The following FAR2 variants were observed in gnomAD, a reference collection of about 807,000 sequenced individuals.
The protein encoded by FAR2 is epididymis secretory protein Li 81.
FAR2 carries 19 observed loss-of-function variants against 56.0 expected under a neutral mutation model. The ratio of observed to expected loss-of-function variants is 0.34; its 90% CI spans 0.24 to 0.50. The LOEUF (loss-of-function observed/expected upper bound fraction) is 0.50. Ranked by LOEUF, FAR2 falls within the 20% of genes least tolerant of loss-of-function variation. The pLI, the probability that FAR2 is intolerant of heterozygous loss-of-function variation, is 0.98. For synonymous variants in FAR2, 219 were observed against 218.8 expected, an observed-to-expected ratio of 1.00 and a Z score of -0.01; for missense variants, 508 against 642.2, an observed-to-expected ratio of 0.79 and a Z score of 2.26.
rs910498677 is a variant in FAR2, at chr12:29,155,655, A to G, written c.-39+6248A>G. Among the ~76,000 whole-genome samples the G allele has an allele frequency of 2.6e-5, 4 of 152,376 alleles. No homozygotes were observed. The South Asian group carries it at 8.3e-4, about 32-fold the overall frequency. On this transcript the variant is annotated intron_variant, in intron 1 of 11. Transcript: ENST00000536681. ...AAAAATTATAGGAAATTTAACGTAT[A>G]TGAAATTTAACCTTCAGTGTCTATA...
intron 4 of FAR2, among the ~76,000 whole-genome samples, chr12:29,297,842 T>A (rs1270857677): frequency 2.6e-5 from 4 of 151,952 alleles, no homozygotes; most frequent in Non-Finnish European, 5.9e-5. Context: ...GTCCAAGAGT[T>A]CAAGACCAGC....
chr12:29,208,652 GA>G (rs71042967), intron 1 of FAR2, among the ~76,000 whole-genome samples: 416 of 148,538 alleles, frequency 2.8e-3, no homozygotes, highest in African/African-American at 3.8e-3. Context: ...GTGCCAGAGA[GA>G]AAAAAAAAAT....
chr12:29,161,230 A>G (rs1949779133), intron 1 of FAR2, among the ~76,000 whole-genome samples: 1 of 152,232 alleles, frequency 6.6e-6, no homozygotes, highest in Non-Finnish European at 1.5e-5. Context: ...AAAAAAGAAA[A>G]GCAGAAAAAC....
chr12:29,231,811 T>C (rs975818069), intron 1 of FAR2, among the ~76,000 whole-genome samples: 4 of 152,174 alleles, frequency 2.6e-5, no homozygotes, highest in African/African-American at 9.7e-5. Context: ...CCATGCACTA[T>C]GGACATCCTG....
At chr12:29,172,575 G>T (rs1018079876) in intron 1 of FAR2, among the ~76,000 whole-genome samples, 1 of 152,024 alleles carries the variant, frequency 6.6e-6, no homozygotes, top group Non-Finnish European at 1.5e-5. Context: ...ATTATAGAAC[G>T]CTGAGGTTGC....
intron 10 of FAR2, among the ~76,000 whole-genome samples, chr12:29,326,672 C>T (rs563314691): frequency 1.6e-4 from 25 of 152,176 alleles, no homozygotes; most frequent in Middle Eastern, 3.4e-3. Flanking sequence ...GCTCAATAGA[C>T]GGAGAAAAGG....
In FAR2 at chr12:29,316,957, C is replaced by T. The variant is rs763416880; in HGVS notation, c.1072C>T (p.Arg358Trp). 3 of 1,613,884 alleles carry T rather than the reference C, an allele frequency of 1.9e-6. No homozygotes were observed. Among genetic ancestry groups the T allele is most frequent in the Non-Finnish European group, 2.5e-6 (3 of 1,179,954 alleles). Residue 358 changes from arginine to tryptophan, a missense_variant, in exon 9 of 12, where the codon CGG becomes TGG. Coordinates refer to ENST00000536681, the MANE Select transcript of FAR2 (RefSeq NM_001271783.2). ...TSQYWNAVSHRAPAIIYDCYL... is the reference protein window; with the variant it reads ...TSQYWNAVSHWAPAIIYDCYL... ...ACAGTACTGGAATGCGGTCAGCCAC[C>T]GGGCCCCTGCCATTATCTATGACTG...
chr12:29,180,300 C>T (rs988124751), intron 1 of FAR2, among the ~76,000 whole-genome samples: 2 of 152,152 alleles, frequency 1.3e-5, no homozygotes, highest in Non-Finnish European at 2.9e-5. Flanking sequence ...CCTGTTCTTG[C>T]AGAGTAGTAA....
At chr12:29,306,321 T>C (rs1226480868) in intron 4 of FAR2, among the ~76,000 whole-genome samples, 3 of 152,340 alleles carry the variant, frequency 2.0e-5, no homozygotes, top group South Asian at 2.1e-4. Context: ...TCAGCACTAA[T>C]AGAAGCAAAG....
At chr12:29,285,819 T>C (rs2085056799) in intron 2 of FAR2, among the ~76,000 whole-genome samples, 1 of 151,948 alleles carries the variant, frequency 6.6e-6, no homozygotes, top group African/African-American at 2.4e-5. Context: ...CTTGGGAGGC[T>C]GACGCAGGAG....
chr12:29,332,785 C>G, intron 11 of FAR2, 58 bp downstream of exon 11: 1 of 1,470,736 alleles, frequency 6.8e-7, no homozygotes, highest in East Asian at 2.4e-5. Context: ...CGACTTTATA[C>G]CAGACATAAC....
At chr12:29,167,743 C>T (rs918392522) in intron 1 of FAR2, among the ~76,000 whole-genome samples, 9 of 152,216 alleles carry the variant, frequency 5.9e-5, no homozygotes, top group African/African-American at 1.9e-4. Flanking sequence ...CAAGAATTAT[C>T]CTGACAATTT....
At chr12:29,324,854 T>C (rs1055509120) in intron 10 of FAR2, among the ~76,000 whole-genome samples, 2 of 152,108 alleles carry the variant, frequency 1.3e-5, no homozygotes, top group Non-Finnish European at 2.9e-5. Flanking sequence ...ACGAGCAAAA[T>C]AACCAGCTAA....
chr12:29,183,274 C>G (rs1217773697), intron 1 of FAR2, among the ~76,000 whole-genome samples: 1 of 152,216 alleles, frequency 6.6e-6, no homozygotes, highest in Non-Finnish European at 1.5e-5. Context: ...CCTCAACATT[C>G]TTTCCTTGGC....
At chr12:29,246,804 T>C (rs1948134761) in intron 1 of FAR2, among the ~76,000 whole-genome samples, 1 of 152,172 alleles carries the variant, frequency 6.6e-6, no homozygotes, top group African/African-American at 2.4e-5. Context: ...AAACTTTTGC[T>C]GATTTTTAAA....
chr12:29,225,413 C>T (rs1947750654), intron 1 of FAR2, among the ~76,000 whole-genome samples: 1 of 151,980 alleles, frequency 6.6e-6, no homozygotes, highest in South Asian at 2.1e-4. Flanking sequence ...AGCAGAAGGC[C>T]TGGCACAAAA....
intron 1 of FAR2, among the ~76,000 whole-genome samples, chr12:29,210,780 C>T (rs1473532474): frequency 1.3e-5 from 2 of 152,044 alleles, no homozygotes; most frequent in South Asian, 2.1e-4. Context: ...GCTGGAACCC[C>T]GTCTCTACTA....
intron 1 of FAR2, among the ~76,000 whole-genome samples, chr12:29,188,136 G>T (rs1290982268): frequency 6.6e-6 from 1 of 152,084 alleles, no homozygotes; most frequent in East Asian, 1.9e-4. Flanking sequence ...ACTAATTATT[G>T]TATCACTATG....
At chr12:29,274,303 T>A (rs1043648315) in intron 2 of FAR2, among the ~76,000 whole-genome samples, 2 of 151,538 alleles carry the variant, frequency 1.3e-5, no homozygotes, top group Admixed American at 1.3e-4. Flanking sequence ...GTTTGGTTTT[T>A]TGTCCTTGTG....
Sources: gnomAD v4.1 joint callset for allele counts (sites outside exome capture counted in the v4.1 genomes callset) on GRCh38, gnomAD v4.1.1 for gene constraint, MANE v1.5 for transcripts, NCBI Gene and HGNC (gene_info 2026-07-23, HGNC 2026-07-21) for gene names.